HSPG2: variants seen among roughly 807,000 people sequenced by gnomAD.
The protein encoded by HSPG2 is heparan sulfate proteoglycan 2.
A neutral mutation model predicts 526.6 loss-of-function variants in HSPG2; 278 were observed. The observed-to-expected ratio is 0.53, with a 90% CI of 0.48 to 0.58. The LOEUF is 0.58. HSPG2 is among the 20% of genes least tolerant of loss of function. The pLI, the probability that HSPG2 is intolerant of heterozygous loss-of-function variation, is 0.00. For synonymous variants in HSPG2, 2,465 were observed against 2,555.4 expected (o/e 0.96, Z 1.07); for missense variants, 5,354 against 6,099.5 (o/e 0.88, Z 4.07).
intron 6 of HSPG2, among the ~76,000 whole-genome samples, chr1:21,888,309 C>T (rs993076568): frequency 3.7e-4 from 56 of 152,356 alleles, no homozygotes; most frequent in African/African-American, 1.2e-3. Context: ...ACATGCCACA[C>T]GCATGCAACC....
intron 85 of HSPG2, chr1:21,830,296 C>T (rs993577147): frequency 5.0e-6 from 3 of 598,436 alleles, no homozygotes; most frequent in East Asian, 5.6e-5. Context: ...GGGAAGCAGT[C>T]GAGGGACTCT....
chr1:21,832,044 A>C (rs1011308848), intron 81 of HSPG2, among the ~76,000 whole-genome samples: 11 of 152,086 alleles, frequency 7.2e-5, no homozygotes, highest in Admixed American at 3.9e-4. Flanking sequence ...CCCCAGGCTC[A>C]GCGCCCTGCA....
In HSPG2 at chr1:21,881,517, G is replaced by C; in HGVS notation, c.1655-15C>G. On this transcript the variant is annotated splice_polypyrimidine_tract_variant and intron_variant, in intron 13 of 96. Coordinates refer to ENST00000374695, the MANE Select transcript of HSPG2 (RefSeq NM_005529.7). Reference sequence around the variant, plus strand: ...CACATTCACACCTGTGGGTGGCAAGGGGGAGGCTGAGGGCTGCAGCCTGGG... The same window carrying C: ...CACATTCACACCTGTGGGTGGCAAGCGGGAGGCTGAGGGCTGCAGCCTGGG... The C allele has an allele frequency of 1.9e-6, 3 of 1,607,308 alleles. No individual in the cohort carries two copies. Among genetic ancestry groups the C allele is most frequent in the Non-Finnish European group, 1.7e-6 (2 of 1,176,690 alleles).
rs374611258 is a variant in HSPG2, at chr1:21,841,260, G to A, written c.9354C>T (p.Pro3118=). ...VHGPPTVSVL[P]EGPVWVKVGK... Reference sequence around the variant, plus strand: ...CCACTTTCACCCACACGGGGCCCTCGGGGAGCACGGACACTGTAGGGGGCC... The same window carrying A: ...CCACTTTCACCCACACGGGGCCCTCAGGGAGCACGGACACTGTAGGGGGCC... Residue 3118 remains proline, a synonymous_variant, in exon 71 of 97, where the codon CCC becomes CCT. Transcript: ENST00000374695. The A allele has an allele frequency of 3.7e-6, 6 of 1,613,668 alleles. No individual in the cohort carries two copies. The highest frequency in any genetic ancestry group is 2.2e-5 in the South Asian group (2 of 91,086).
In HSPG2 at chr1:21,911,029, C is replaced by T. The variant is rs117771155; in HGVS notation, c.64-14719G>A. Among the ~76,000 whole-genome samples, 374 of 152,260 alleles carry T rather than the reference C, an allele frequency of 2.5e-3. 7 individuals are homozygous for T. Among genetic ancestry groups the T allele is most frequent in the South Asian group, 0.024 (114 of 4,824 alleles). ...CAAATGCACATTGAAGAAAGGCAGT[C>T]GGAGAGCACTGGGTGGGGAGCCAGG... On this transcript the variant is annotated intron_variant, in intron 1 of 96. Coordinates refer to ENST00000374695, the MANE Select transcript of HSPG2 (RefSeq NM_005529.7).
intron 55 of HSPG2, 67 bp downstream of exon 55, chr1:21,851,479 C>T: frequency 6.2e-7 from 1 of 1,609,478 alleles, no homozygotes; most frequent in Non-Finnish European, 8.5e-7. Context: ...CTAGCCCTCC[C>T]CCAATAACCT....
intron 1 of HSPG2, among the ~76,000 whole-genome samples, chr1:21,935,033 A>C (rs888934312): frequency 1.3e-5 from 2 of 151,716 alleles, no homozygotes; most frequent in Non-Finnish European, 1.5e-5. Flanking sequence ...CAGCCTCCCG[A>C]GTAGTTGGGA....
intron 1 of HSPG2, among the ~76,000 whole-genome samples, chr1:21,917,710 C>T (rs1200256282): frequency 3.9e-5 from 6 of 152,166 alleles, no homozygotes; most frequent in African/African-American, 7.2e-5. Flanking sequence ...TCTTGGAATG[C>T]TGTTCCCATG....
rs2098013840 is a variant in HSPG2, at chr1:21,833,591, G to C, written c.10854C>G (p.Asp3618Glu). ...TCAGCATGTTGTTCTCCAGGCGGCT[G>C]TCAGGTGGCAGGCTGCCATCCAGCT... is the stretch of plus-strand genomic sequence containing the variant. ...WSKLDGSLPPDSRLENNMLML... is the reference protein window; with the variant it reads ...WSKLDGSLPPESRLENNMLML... The change falls in exon 79 of 97, where the codon GAC becomes GAG. Residue 3618 changes from aspartate to glutamate, a missense_variant. Asp to Glu is a conservative substitution (Grantham distance 45, BLOSUM62 2). Coordinates refer to ENST00000374695, the MANE Select transcript of HSPG2 (RefSeq NM_005529.7). The C allele has an allele frequency of 6.2e-7, 1 of 1,613,990 alleles. No individual in the cohort carries two copies. Among genetic ancestry groups the C allele is most frequent in the African/African-American group, 1.3e-5 (1 of 74,938 alleles).
intron 91 of HSPG2, chr1:21,825,353 T>C (rs2097968113): frequency 1.2e-5 from 2 of 173,204 alleles, no homozygotes; most frequent in African/African-American, 4.8e-5. Context: ...AAATTCTGTC[T>C]GGCTTTAGCC....
At chr1:21,924,154 T>C (rs780492346) in intron 1 of HSPG2, among the ~76,000 whole-genome samples, 1 of 152,040 alleles carries the variant, frequency 6.6e-6, no homozygotes, top group Non-Finnish European at 1.5e-5. Context: ...GCCTGGCACT[T>C]GGGAGCTGGG....
At chr1:21,906,458 C>G (rs1010190214) in intron 1 of HSPG2, among the ~76,000 whole-genome samples, 3 of 152,206 alleles carry the variant, frequency 2.0e-5, no homozygotes, top group African/African-American at 4.8e-5. Context: ...CTGGGCTTTC[C>G]TCATCTGCTG....
In HSPG2 at chr1:21,878,267, C is replaced by T. The variant is rs778813461; in HGVS notation, c.2618-14G>A. ...CAATCTCCTGGTCTGGGACACAAAA[C>T]GAGTGTTGGCAGGGCAGGTGGGAAT... On this transcript the variant is annotated splice_polypyrimidine_tract_variant and intron_variant, in intron 20 of 96. Coordinates refer to ENST00000374695, the MANE Select transcript of HSPG2 (RefSeq NM_005529.7). 8.7e-6 allele frequency: 14 copies of T among 1,613,588 alleles called. No homozygotes were observed. The highest frequency in any genetic ancestry group is 1.6e-4 in the Middle Eastern group (1 of 6,080).
chr1:21,922,864 T>A (rs981986554), intron 1 of HSPG2, among the ~76,000 whole-genome samples: 5 of 152,220 alleles, frequency 3.3e-5, no homozygotes, highest in Admixed American at 6.5e-5. Flanking sequence ...CCTCGACCCC[T>A]ACCAGGGAGG....
At chr1:21,878,131 C>T in intron 21 of HSPG2, 55 bp downstream of exon 21, 1 of 1,507,298 alleles carries the variant, frequency 6.6e-7, no homozygotes, top group South Asian at 1.1e-5. Context: ...CTTCCTCCTC[C>T]CAGCTGTGGT....
Position 21,824,887 on chromosome 1 carries a change from C to T in HSPG2, c.12590-108G>A, listed in dbSNP as rs980597420. 4 of 1,045,240 alleles carry T rather than the reference C, an allele frequency of 3.8e-6. No homozygotes were observed. The African/African-American group carries it at 6.3e-5, about 17-fold the overall frequency. The allele number at this position is 1,045,240 out of a possible 1,614,324, so 64.7% of individuals were successfully genotyped here. A position where few individuals can be genotyped will look rare whatever the true frequency, so the allele number is the denominator to read the frequency against. ...CGCCAACATGCAGGACTAGGGGGCTCCGAGCCTGCAGTCCCTGGGGACCCA... is the reference window on the plus strand; with the variant it reads ...CGCCAACATGCAGGACTAGGGGGCTTCGAGCCTGCAGTCCCTGGGGACCCA... On this transcript the variant is annotated intron_variant, in intron 91 of 96. Coordinates refer to ENST00000374695, the MANE Select transcript of HSPG2 (RefSeq NM_005529.7). This position sits in a 1 kb window ranked among gnomAD's most constrained non-coding sequence, Gnocchi z 5.9.
intron 6 of HSPG2, chr1:21,889,735 C>T (rs542764243): frequency 7.1e-6 from 4 of 563,980 alleles, no homozygotes; most frequent in African/African-American, 3.9e-5. Context: ...GCCTGATTAC[C>T]TATTGTCAAT....
intron 30 of HSPG2, 37 bp downstream of exon 30, chr1:21,873,338 G>T (rs1260532531): frequency 6.2e-7 from 1 of 1,612,858 alleles, no homozygotes; most frequent in South Asian, 1.1e-5. Flanking sequence ...GGGACTCTGG[G>T]TAACCCGACC....
chr1:21,870,251 G>C, intron 33 of HSPG2: 2 of 986,132 alleles, frequency 2.0e-6, no homozygotes, highest in Non-Finnish European at 2.4e-6. Context: ...CCCTCTGGGG[G>C]CTCTGGGATC....
Sources: gnomAD v4.1 joint callset for allele counts (sites outside exome capture counted in the v4.1 genomes callset) on GRCh38, gnomAD v4.1.1 for gene constraint, Gnocchi (gnomAD v3.1) non-coding constraint, MANE v1.5 for transcripts, NCBI Gene and HGNC (gene_info 2026-07-23, HGNC 2026-07-21) for gene names.